ZNF714: variants seen among roughly 807,000 people sequenced by gnomAD.
ZNF714 encodes zinc finger protein 714.
ZNF714 carries 32 observed loss-of-function variants against 46.2 expected under a neutral mutation model. The ratio of observed to expected loss-of-function variants is 0.69; its 90% CI spans 0.52 to 0.93. The LOEUF (loss-of-function observed/expected upper bound fraction) is 0.93. Among genes scored for constraint, ZNF714 ranks in the 40% least tolerant of loss-of-function variants. The pLI, the probability that ZNF714 is intolerant of heterozygous loss-of-function variation, is 0.00. For synonymous variants in ZNF714, 199 were observed against 213.1 expected, an observed-to-expected ratio of 0.93 and a Z score of 0.58; for missense variants, 635 against 646.3, an observed-to-expected ratio of 0.98 and a Z score of 0.19.
At chr19:21,082,893 A>G (rs1335485227) in intron 1 of ZNF714, among the ~76,000 whole-genome samples, 3 of 152,228 alleles carry the variant, frequency 2.0e-5, no homozygotes, top group Non-Finnish European at 4.4e-5. Context: ...GTAATTGGTT[A>G]GGTTCAGATA....
intron 4 of ZNF714, among the ~76,000 whole-genome samples, chr19:21,106,897 G>A (rs1447536293): frequency 1.3e-5 from 2 of 152,030 alleles, no homozygotes; most frequent in East Asian, 2.0e-4. Context: ...GTGCGATCTC[G>A]GCTCACTGCA....
chr19:21,115,920 T>C (rs1433635575), intron 4 of ZNF714, among the ~76,000 whole-genome samples: 3 of 151,676 alleles, frequency 2.0e-5, no homozygotes, highest in Non-Finnish European at 4.4e-5. Flanking sequence ...ATTCCTATTT[T>C]ACTCATTGAG....
intron 2 of ZNF714, among the ~76,000 whole-genome samples, chr19:21,092,426 C>T (rs1968930534): frequency 6.6e-6 from 1 of 152,204 alleles, no homozygotes; most frequent in African/African-American, 2.4e-5. Context: ...AAACTATTTT[C>T]CCCAGCAACC....
At position 21,117,999 on chromosome 19, in the gene ZNF714, A is replaced by G. The variant is rs1969641332; in HGVS notation, c.1335A>G (p.Arg445=). ...CCTCAAACCTTACTACACATAAGAG[A>G]ATTCACACTGGAGAGAAACCCTACA... The part of the protein sequence containing the change: ...NRSSNLTTHK[R]IHTGEKPYKC... Residue 445 remains arginine (R), a synonymous_variant, in exon 5 of 5, where the codon AGA becomes AGG. Coordinates refer to ENST00000456283, the MANE Select transcript of ZNF714 (RefSeq NM_182515.4). 2.5e-6 allele frequency: 4 copies of G among 1,613,010 alleles called. No individual in the cohort carries two copies. Among genetic ancestry groups the G allele is most frequent in the Non-Finnish European group, 3.4e-6 (4 of 1,179,780 alleles).
chr19:21,114,250 AAC>A (rs1335693600), intron 4 of ZNF714, among the ~76,000 whole-genome samples: 4 of 151,994 alleles, frequency 2.6e-5, no homozygotes, highest in African/African-American at 9.7e-5. Flanking sequence ...CATCCTAGCT[AAC>A]ACAGTGAAAC....
intron 2 of ZNF714, among the ~76,000 whole-genome samples, chr19:21,093,808 A>G (rs546496930): frequency 6.0e-4 from 91 of 150,654 alleles, no homozygotes; most frequent in Non-Finnish European, 8.9e-4. Context: ...TTCTTTTTCT[A>G]TCGTTTGTAG....
At chr19:21,109,836 C>T (rs1352143295) in intron 4 of ZNF714, among the ~76,000 whole-genome samples, 1 of 152,100 alleles carries the variant, frequency 6.6e-6, no homozygotes, top group Non-Finnish European at 1.5e-5. Flanking sequence ...TAAGTGAGAA[C>T]ATGTCGTGTT....
rs1345541542 is a variant in ZNF714, at chr19:21,117,851, C to T, written c.1187C>T (p.Pro396Leu). ...IHKIIHTGEK[P>L]YKCEECGKAF... ...AAGATAATTCATACTGGAGAGAAACCTTACAAATGTGAAGAATGTGGCAAA... is the reference window on the plus strand; with the variant it reads ...AAGATAATTCATACTGGAGAGAAACTTTACAAATGTGAAGAATGTGGCAAA... The change falls in exon 5 of 5, where the codon CCT (proline) becomes CTT (leucine). Residue 396 changes from proline (P) to leucine (L), a missense_variant. Physicochemically the swap from Pro to Leu is moderately conservative, Grantham distance 98. Coordinates refer to ENST00000456283, the MANE Select transcript of ZNF714 (RefSeq NM_182515.4). 6.2e-7 allele frequency: 1 copy of T among 1,612,138 alleles called. No individual in the cohort carries two copies. The highest frequency in any genetic ancestry group is 8.5e-7 in the Non-Finnish European group (1 of 1,179,180).
At chr19:21,095,971 G>A (rs956251207) in intron 2 of ZNF714, among the ~76,000 whole-genome samples, 10 of 152,202 alleles carry the variant, frequency 6.6e-5, no homozygotes, top group Non-Finnish European at 1.5e-4. Context: ...ATGACTCTAT[G>A]GTGAGGCCAG....
At chr19:21,088,641 A>G (rs1968839530) in intron 2 of ZNF714, among the ~76,000 whole-genome samples, 1 of 152,212 alleles carries the variant, frequency 6.6e-6, no homozygotes, top group Admixed American at 6.5e-5. Flanking sequence ...TGCACTTTTT[A>G]CTTTTCTGAC....
chr19:21,124,301 CTT>C lies in ZNF714; in HGVS notation c.*5970_*5971del, dbSNP rs931825707. The C allele has an allele frequency of 2.6e-5, 4 of 152,038 alleles. No homozygotes were observed. The highest frequency in any genetic ancestry group is 1.3e-4 in the Admixed American group (2 of 15,270). 9.4% of individuals were successfully genotyped at this position (152,038 alleles called of 1,614,324 possible). ...CTATAACATTTTGAAAATATTTTCTCTTGACAGATAAAAATGTGTACTTTTTC... is the reference window on the plus strand; with the variant it reads ...CTATAACATTTTGAAAATATTTTCTCGACAGATAAAAATGTGTACTTTTTC... On this transcript the variant is annotated 3_prime_UTR_variant, in exon 5 of 5. Transcript: ENST00000456283.
At position 21,123,259 on chromosome 19, in the gene ZNF714, A is replaced by G. The variant is rs1969737497; in HGVS notation, c.*4927A>G. Reference sequence around the variant, plus strand: ...AAAAGAAAAATCTTATTAGATTCTTATACAAAGTGTGGCAAATATAAAACT... The same window carrying G: ...AAAAGAAAAATCTTATTAGATTCTTGTACAAAGTGTGGCAAATATAAAACT... On this transcript the variant is annotated 3_prime_UTR_variant, in exon 5 of 5. Transcript: ENST00000456283. 1 of 152,048 alleles carries G rather than the reference A, an allele frequency of 6.6e-6. No homozygotes were observed. Among genetic ancestry groups the G allele is most frequent in the South Asian group, 2.1e-4 (1 of 4,824 alleles). 9.4% of individuals were successfully genotyped at this position (152,048 alleles called of 1,614,324 possible). A position where few individuals can be genotyped will look rare whatever the true frequency, so the allele number is the denominator to read the frequency against.
rs1483132265 is a variant in ZNF714, at chr19:21,121,857, T to A, written c.*3525T>A. On this transcript the variant is annotated 3_prime_UTR_variant, in exon 5 of 5. Transcript: ENST00000456283. ...GCTAGACCCATACTTTTTTTGTTTC[T>A]TACATTTTTTTTGTTTTATGGTTTA... 1 of 152,204 alleles carries A rather than the reference T, an allele frequency of 6.6e-6. No individual in the cohort carries two copies. Among genetic ancestry groups the A allele is most frequent in the Admixed American group, 6.5e-5 (1 of 15,282 alleles). The allele number at this position is 152,204 out of a possible 1,614,324, so 9.4% of individuals were successfully genotyped here. A position where few individuals can be genotyped will look rare whatever the true frequency, so the allele number is the denominator to read the frequency against.
chr19:21,111,309 T>C (rs1330876138), intron 4 of ZNF714, among the ~76,000 whole-genome samples: 1 of 152,208 alleles, frequency 6.6e-6, no homozygotes, highest in African/African-American at 2.4e-5. Flanking sequence ...TATTCCTTGG[T>C]ACTTTATTCT....
rs149224017 is a variant in ZNF714, at chr19:21,104,672, A to G, written c.142+5762A>G. Among the ~76,000 whole-genome samples, 276 of 152,006 alleles carry G rather than the reference A, an allele frequency of 1.8e-3. 1 individual carries two copies. The highest frequency in any genetic ancestry group is 5.9e-3 in the African/African-American group (246 of 41,494). On this transcript the variant is annotated intron_variant, in intron 4 of 4. Coordinates refer to ENST00000456283, the MANE Select transcript of ZNF714 (RefSeq NM_182515.4). ...CTGTTATCACCCAGGCTGGAGTACA[A>G]TGGTGCAATGGCTCACTGCAACCTC... is the stretch of plus-strand genomic sequence containing the variant.
intron 2 of ZNF714, among the ~76,000 whole-genome samples, chr19:21,094,536 CTT>C (rs1968993060): frequency 6.6e-6 from 1 of 151,994 alleles, no homozygotes; most frequent in Admixed American, 6.6e-5. Flanking sequence ...ATGTTACTGA[CTT>C]TGGTTTTTGA....
In ZNF714 at chr19:21,120,129, A is replaced by G. The variant is rs952169626; in HGVS notation, c.*1797A>G. ...TGATCTCGGCTCACTGCAACCTTCA[A>G]TTTCCAGTTTCAAGCGATTCTCCTC... On this transcript the variant is annotated 3_prime_UTR_variant, in exon 5 of 5. Coordinates refer to ENST00000456283, the MANE Select transcript of ZNF714 (RefSeq NM_182515.4). 1 of 152,022 alleles carries G rather than the reference A, an allele frequency of 6.6e-6. No homozygotes were observed. The highest frequency in any genetic ancestry group is 2.4e-5 in the African/African-American group (1 of 41,360). 9.4% of individuals were successfully genotyped at this position (152,022 alleles called of 1,614,324 possible).
In ZNF714 at chr19:21,121,552, G is replaced by A. The variant is rs1279515228; in HGVS notation, c.*3220G>A. On this transcript the variant is annotated 3_prime_UTR_variant, in exon 5 of 5. Coordinates refer to ENST00000456283, the MANE Select transcript of ZNF714 (RefSeq NM_182515.4). Reference sequence around the variant, plus strand: ...ATGCAGACTTTTTGATTCACATAGAGTTAAATATGTATTAGTCTAAAGACA... The same window carrying A: ...ATGCAGACTTTTTGATTCACATAGAATTAAATATGTATTAGTCTAAAGACA... 1 of 152,128 alleles carries A rather than the reference G, an allele frequency of 6.6e-6. No individual in the cohort carries two copies. The highest frequency in any genetic ancestry group is 1.9e-4 in the East Asian group (1 of 5,202). 9.4% of individuals were successfully genotyped at this position (152,128 alleles called of 1,614,324 possible).
intron 4 of ZNF714, among the ~76,000 whole-genome samples, chr19:21,106,241 T>C (rs1203334841): frequency 7.2e-6 from 1 of 138,152 alleles, no homozygotes; most frequent in African/African-American, 2.7e-5. Flanking sequence ...GGCAATAGAG[T>C]GAGACTCCGT....
Sources: allele counts gnomAD v4.1 joint callset (sites outside exome capture counted in the v4.1 genomes callset), GRCh38; gene constraint gnomAD v4.1.1; transcripts MANE v1.5; gene names NCBI Gene and HGNC (gene_info 2026-07-23, HGNC 2026-07-21).